The following PTCH2 variants were observed in gnomAD, a reference collection of about 807,000 sequenced individuals.
PTCH2 encodes protein patched homolog 2.
In PTCH2, 96 loss-of-function variants were observed where a neutral mutation model predicts 117.9. The ratio of observed to expected loss-of-function variants is 0.81; its 90% CI spans 0.69 to 0.96. The LOEUF (loss-of-function observed/expected upper bound fraction) is 0.96. PTCH2 is among the 50% of genes least tolerant of loss of function. The pLI is 0.00. For synonymous variants in PTCH2, 615 were observed against 660.9 expected, an observed-to-expected ratio of 0.93 and a Z score of 1.06; for missense variants, 1,379 against 1,562.5, an observed-to-expected ratio of 0.88 and a Z score of 1.98.
downstream of PTCH2, among the ~76,000 whole-genome samples, chr1:44,820,990 C>T (rs1457269104): frequency 6.6e-6 from 1 of 152,054 alleles, no homozygotes; most frequent in Non-Finnish European, 1.5e-5. Context: ...TTGCAATAGG[C>T]GTTTTTTGTT....
In PTCH2 at chr1:44,828,301, G is replaced by A. The variant is rs1324830834; in HGVS notation, c.1704C>T (p.Phe568=). The A allele has an allele frequency of 2.5e-6, 4 of 1,613,840 alleles. No homozygotes were observed. The highest frequency in any genetic ancestry group is 1.3e-5 in the African/African-American group (1 of 74,940). Reference sequence around the variant, plus strand: ...GGCTGGGGCGCAGGCAGTACCTGGAGAAGCAGCAGAGCACATCAAGGCGCT... The same window carrying A: ...GGCTGGGGCGCAGGCAGTACCTGGAAAAGCAGCAGAGCACATCAAGGCGCT... The part of the protein sequence containing the change: ...HCQRLDVLCC[F]SSPCSAQVIQ... The change falls in exon 13 of 22, where the codon TTC becomes TTT. Residue 568 remains phenylalanine (F), a synonymous_variant. Transcript: ENST00000372192.
chr1:44,825,401 G>A (rs554106117), intron 19 of PTCH2, among the ~76,000 whole-genome samples: 30 of 152,076 alleles, frequency 2.0e-4, no homozygotes, highest in Non-Finnish European at 3.8e-4. Context: ...GCTTCCCAAA[G>A]TGCTGGGATT....
At chr1:44,836,882 T>A (rs1013001088) in intron 2 of PTCH2, among the ~76,000 whole-genome samples, 1 of 151,690 alleles carries the variant, frequency 6.6e-6, no homozygotes, top group Non-Finnish European at 1.5e-5. Flanking sequence ...AGCCTAGGAG[T>A]TCCAGGCTGC....
intron 1 of PTCH2, among the ~76,000 whole-genome samples, chr1:44,842,647 AACCC>A (rs1475836547): frequency 2.0e-5 from 3 of 152,204 alleles, no homozygotes; most frequent in Admixed American, 6.5e-5. Flanking sequence ...CACAGAGGTG[AACCC>A]ACAGACATTC....
rs770933077 is a variant in PTCH2, at chr1:44,841,965, G to C, written c.147C>G (p.Cys49Trp). 1 of 1,614,038 alleles carries C rather than the reference G, an allele frequency of 6.2e-7. No homozygotes were observed. The highest frequency in any genetic ancestry group is 1.3e-5 in the African/African-American group (1 of 74,948). Residue 49 changes from cysteine (C) to tryptophan (W), a missense_variant, in exon 2 of 22, where the codon TGC becomes TGG. Physicochemically the swap from Cys to Trp is radical, Grantham distance 215. Transcript: ENST00000372192. Reference sequence around the variant, plus strand: ...CTTTGCCACAATGTCTCTGGATCCCGCATCCCAGAGAGAAGAGCAGGCCCT... The same window carrying C: ...CTTTGCCACAATGTCTCTGGATCCCCCATCCCAGAGAGAAGAGCAGGCCCT... ...YFQGLLFSLG[C>W]GIQRHCGKVL...
rs1553165423 is a variant in PTCH2 at position 44,829,765 on chromosome 1, G to A, written c.936-4C>T. On this transcript the variant is annotated splice_region_variant and splice_polypyrimidine_tract_variant and intron_variant, in intron 7 of 21. Transcript: ENST00000372192. ...GGTGCTCTGCAGGGCCTCTGCCCTGGTGGGGGTGTGGGAGAACCAGGGGTC... is the reference window on the plus strand; with the variant it reads ...GGTGCTCTGCAGGGCCTCTGCCCTGATGGGGGTGTGGGAGAACCAGGGGTC... 1 of 1,614,210 alleles carries A rather than the reference G, an allele frequency of 6.2e-7. No individual in the cohort carries two copies. Among genetic ancestry groups the A allele is most frequent in the Non-Finnish European group, 8.5e-7 (1 of 1,180,024 alleles).
chr1:44,829,572 G>T (rs1484607126), intron 8 of PTCH2, 39 bp from the exon 9 acceptor site: 2 of 1,614,184 alleles, frequency 1.2e-6, no homozygotes, highest in Admixed American at 1.7e-5. Context: ...CAGGAGGAGG[G>T]AATGGCCTCA....
At chr1:44,842,772 G>A in intron 1 of PTCH2, 89 bp downstream of exon 1, 1 of 1,298,342 alleles carries the variant, frequency 7.7e-7, no homozygotes, top group Non-Finnish European at 1.1e-6. Context: ...AATGACACTC[G>A]GCACTTCAAG....
chr1:44,819,979 T>C (rs542534618), downstream of PTCH2: 8 of 155,120 alleles, frequency 5.2e-5, no homozygotes, highest in South Asian at 5.2e-4. Flanking sequence ...TTATGCGCTT[T>C]GAAGAGAAAC....
Position 44,822,055 on chromosome 1 carries a change from G to A in PTCH2, c.*360C>T. 1 of 1,358,870 alleles carries A rather than the reference G, an allele frequency of 7.4e-7. No individual in the cohort carries two copies. 84.2% of individuals were successfully genotyped at this position (1,358,870 alleles called of 1,614,324 possible). A position where few individuals can be genotyped will look rare whatever the true frequency, so the allele number is the denominator to read the frequency against. On this transcript the variant is annotated 3_prime_UTR_variant, in exon 22 of 22. Coordinates refer to ENST00000372192, the MANE Select transcript of PTCH2 (RefSeq NM_003738.5). Reference sequence around the variant, plus strand: ...TAAATAATGGATGTGGTAGGAGGTGGGCAGGGATATGGAGAGCCTGCCCAG... The same window carrying A: ...TAAATAATGGATGTGGTAGGAGGTGAGCAGGGATATGGAGAGCCTGCCCAG...
At position 44,831,930 on chromosome 1, in the gene PTCH2, C is replaced by T. The variant is rs368537314; in HGVS notation, c.525+45G>A. On this transcript the variant is annotated intron_variant, in intron 4 of 21. Coordinates refer to ENST00000372192, the MANE Select transcript of PTCH2 (RefSeq NM_003738.5). This position sits in a 1 kb window ranked among gnomAD's most constrained non-coding sequence, Gnocchi z 4.3. ...CTTGCTCGGTCTCTGAGTCCTCCCACGCTACAGAAAAAGTTCTGCCTCTAC... is the reference window on the plus strand; with the variant it reads ...CTTGCTCGGTCTCTGAGTCCTCCCATGCTACAGAAAAAGTTCTGCCTCTAC... 91 of 1,581,646 alleles carry T rather than the reference C, an allele frequency of 5.8e-5. No homozygotes were observed. In the African/African-American group the frequency reaches 9.0e-4, roughly 16 times the overall value.
In PTCH2 at chr1:44,822,620, G is replaced by A. The variant is rs774057964; in HGVS notation, c.3407C>T (p.Pro1136Leu). The A allele has an allele frequency of 1.2e-6, 2 of 1,613,888 alleles. No individual in the cohort carries two copies. Among genetic ancestry groups the A allele is most frequent in the South Asian group, 2.2e-5 (2 of 91,086 alleles). ...ESPEILSPPA[P>L]QGGGLRWGAS... ...CCCCCACCTAAGCCCGCCTCCCTGT[G>A]GAGCTGGTGGACTCAGGATCTCTGG... Residue 1136 changes from proline (P) to leucine (L), a missense_variant, in exon 22 of 22, where the codon CCA becomes CTA. Pro to Leu is a moderately conservative substitution (Grantham distance 98). Transcript: ENST00000372192.
rs185640230 is a variant in PTCH2 at position 44,826,272 on chromosome 1, T to G, written c.3092A>C (p.Glu1031Ala). ...CACCAGAGCCACGTGGACTGTGAACTCAACGCCAATGCCTACAGAGGCCAC... is the reference window on the plus strand; with the variant it reads ...CACCAGAGCCACGTGGACTGTGAACGCAACGCCAATGCCTACAGAGGCCAC... ...ILVASVGIGV[E>A]FTVHVALGFL... The change falls in exon 19 of 22, where the codon GAG becomes GCG. Residue 1031 changes from glutamate (E) to alanine (A), a missense_variant. Coordinates refer to ENST00000372192, the MANE Select transcript of PTCH2 (RefSeq NM_003738.5). This position sits in a 1 kb window ranked among gnomAD's most constrained non-coding sequence, Gnocchi z 5.1. 1 of 1,614,088 alleles carries G rather than the reference T, an allele frequency of 6.2e-7. No individual in the cohort carries two copies. Among genetic ancestry groups the G allele is most frequent in the Non-Finnish European group, 8.5e-7 (1 of 1,180,020 alleles).
Position 44,822,579 on chromosome 1 carries a change from G to T in PTCH2, c.3448C>A (p.Pro1150Thr). Residue 1150 changes from proline to threonine, a missense_variant, in exon 22 of 22, where the codon CCC (proline) becomes ACC (threonine). Pro to Thr is a conservative substitution (Grantham distance 38). Transcript: ENST00000372192. ...GTAGTCACTCTGGCAAAGCTCTGGGGCAGGGAGGAGGATGCCCCCCACCTA... is the reference window on the plus strand; with the variant it reads ...GTAGTCACTCTGGCAAAGCTCTGGGTCAGGGAGGAGGATGCCCCCCACCTA... ...GLRWGASSSLPQSFARVTTSM... is the reference protein window; with the variant it reads ...GLRWGASSSLTQSFARVTTSM... 2 of 1,614,106 alleles carry T rather than the reference G, an allele frequency of 1.2e-6. No individual in the cohort carries two copies. Among genetic ancestry groups the T allele is most frequent in the Non-Finnish European group, 1.7e-6 (2 of 1,179,988 alleles).
rs374872274 is a variant in PTCH2, at chr1:44,826,524, A to G, written c.2940T>C (p.Ala980=). 5.0e-6 allele frequency: 8 copies of G among 1,613,878 alleles called. No individual in the cohort carries two copies. Among genetic ancestry groups the G allele is most frequent in the Non-Finnish European group, 6.8e-6 (8 of 1,180,018 alleles). The change falls in exon 18 of 22, where the codon GCT becomes GCC. Residue 980 remains alanine (A), a synonymous_variant. Coordinates refer to ENST00000372192, the MANE Select transcript of PTCH2 (RefSeq NM_003738.5). This position sits in a 1 kb window ranked among gnomAD's most constrained non-coding sequence, Gnocchi z 5.1. The part of the protein sequence containing the change: ...ILLVCTFLVC[A]LLLLNPWTAG... Reference sequence around the variant, plus strand: ...CCGTCCAGGGGTTGAGGAGCAGCAGAGCACAGACGAGGAAAGTGCACACCA... The same window carrying G: ...CCGTCCAGGGGTTGAGGAGCAGCAGGGCACAGACGAGGAAAGTGCACACCA...
intron 2 of PTCH2, among the ~76,000 whole-genome samples, chr1:44,840,194 C>T (rs1653882942): frequency 6.6e-6 from 1 of 151,212 alleles, no homozygotes; most frequent in African/African-American, 2.4e-5. Flanking sequence ...CCTCCGCCTC[C>T]CAGGTTCAAG....
At chr1:44,821,741 C>T (rs1388741184), downstream of PTCH2, 11 of 1,240,406 alleles carry the variant, frequency 8.9e-6, no homozygotes, top group African/African-American at 9.5e-5. Flanking sequence ...AATTTGTTAT[C>T]GTTTTGTATA....
intron 19 of PTCH2, among the ~76,000 whole-genome samples, chr1:44,824,479 T>C (rs1653054705): frequency 7.0e-6 from 1 of 143,104 alleles, no homozygotes; most frequent in Non-Finnish European, 1.5e-5. Flanking sequence ...TAAGCCCACA[T>C]TGCCATCCCG....
chr1:44,829,721 G>A lies in PTCH2; in HGVS notation c.976C>T (p.Arg326Cys), dbSNP rs779438541. The A allele has an allele frequency of 7.4e-6, 12 of 1,614,094 alleles. No homozygotes were observed. Among genetic ancestry groups the A allele is most frequent in the East Asian group, 4.5e-5 (2 of 44,888 alleles). Residue 326 changes from arginine (R) to cysteine (C), a missense_variant, in exon 8 of 22, where the codon CGC becomes TGC. Transcript: ENST00000372192. ...CCCCGGAAATGCTCGTACAGCTGGCGGGGACTCATCAGCAAGAAGGTGCTC... is the reference window on the plus strand; with the variant it reads ...CCCCGGAAATGCTCGTACAGCTGGCAGGGACTCATCAGCAAGAAGGTGCTC... ...LQSTFLLMSP[R>C]QLYEHFRGDY...
Sources: allele counts gnomAD v4.1 joint callset (sites outside exome capture counted in the v4.1 genomes callset), GRCh38; gene constraint gnomAD v4.1.1; non-coding constraint Gnocchi (gnomAD v3.1); transcripts MANE v1.5; gene names NCBI Gene and HGNC (gene_info 2026-07-23, HGNC 2026-07-21).